Variants in GRAMD2B observed in about 807,000 individuals in gnomAD.
GRAMD2B encodes GRAM domain containing 2B, also known as GRAM domain-containing protein 2B.
Under a neutral mutation model 59.2 loss-of-function variants are expected in GRAMD2B, and 41 were observed. The observed-to-expected ratio is 0.69, with a 90% CI of 0.54 to 0.90. The LOEUF (loss-of-function observed/expected upper bound fraction) is 0.90, where lower values mean the gene tolerates loss of function less well. Ranked by LOEUF, GRAMD2B falls within the 40% of genes least tolerant of loss-of-function variation. The pLI, the probability that GRAMD2B is intolerant of heterozygous loss-of-function variation, is 0.00. For synonymous variants in GRAMD2B, 161 were observed against 182.7 expected (o/e 0.88, Z 0.96); for missense variants, 424 against 500.5 (o/e 0.85, Z 1.46).
rs1223897197 is a variant in GRAMD2B, at chr5:126,479,451, A to AT, written c.583-999dup. On this transcript the variant is annotated intron_variant, in intron 6 of 13. Transcript: ENST00000285689. Reference sequence around the variant, plus strand: ...AAAATATGTTAATATCTATTTGGGGATTTTTTAGAAATACTAATAGCCAAC... The same window carrying AT: ...AAAATATGTTAATATCTATTTGGGGATTTTTTTAGAAATACTAATAGCCAAC... 2.6e-5 allele frequency among the ~76,000 whole-genome samples: 4 copies of AT among 152,302 alleles called. No individual in the cohort carries two copies. The South Asian group carries it at 8.3e-4, about 32-fold the overall frequency.
intron 1 of GRAMD2B, chr5:126,462,343 G>A: frequency 1.2e-6 from 1 of 847,280 alleles, no homozygotes; most frequent in Non-Finnish European, 1.4e-6. Context: ...CCTTGAGGAA[G>A]CATTCCATTT....
chr5:126,439,058 A>T (rs1232766927), intron 1 of GRAMD2B, among the ~76,000 whole-genome samples: 3 of 152,138 alleles, frequency 2.0e-5, no homozygotes, highest in Admixed American at 6.5e-5. Flanking sequence ...ACCACGAGGG[A>T]TTATGTGAAA....
intron 1 of GRAMD2B, among the ~76,000 whole-genome samples, chr5:126,445,248 C>A (rs1370762968): frequency 6.6e-6 from 1 of 152,046 alleles, no homozygotes; most frequent in African/African-American, 2.4e-5. Flanking sequence ...GTATTTTTGC[C>A]TCTGGGTCTT....
chr5:126,408,650 T>C (rs911692024), intron 1 of GRAMD2B, among the ~76,000 whole-genome samples: 4 of 151,664 alleles, frequency 2.6e-5, no homozygotes, highest in Admixed American at 1.3e-4. Context: ...ACTTCTGAAG[T>C]TAGCTCCTAA....
chr5:126,483,584 A>G lies in GRAMD2B; in HGVS notation c.847+10A>G. On this transcript the variant is annotated intron_variant, in intron 9 of 13. Coordinates refer to ENST00000285689, the MANE Select transcript of GRAMD2B (RefSeq NM_023927.4). ...TCTGAGAACTCTCGAGGTTTGGGAAATTGTTGTATTTTGACTAAAATTTAA... is the reference window on the plus strand; with the variant it reads ...TCTGAGAACTCTCGAGGTTTGGGAAGTTGTTGTATTTTGACTAAAATTTAA... 1 of 1,497,468 alleles carries G rather than the reference A, an allele frequency of 6.7e-7. No individual in the cohort carries two copies. The allele number at this position is 1,497,468 out of a possible 1,614,324, so 92.8% of individuals were successfully genotyped here. A position where few individuals can be genotyped will look rare whatever the true frequency, so the allele number is the denominator to read the frequency against.
At chr5:126,464,678 G>A (rs538910141) in intron 1 of GRAMD2B, among the ~76,000 whole-genome samples, 25 of 152,300 alleles carry the variant, frequency 1.6e-4, no homozygotes, top group Admixed American at 5.2e-4. Flanking sequence ...AGACCCCGTG[G>A]TTAAGACAAA....
chr5:126,375,318 G>C (rs1261297116), intron 1 of GRAMD2B, among the ~76,000 whole-genome samples: 2 of 151,246 alleles, frequency 1.3e-5, no homozygotes, highest in Non-Finnish European at 1.5e-5. Context: ...CAATAATATT[G>C]AAATAATAAA....
upstream of GRAMD2B, among the ~76,000 whole-genome samples, chr5:126,422,573 C>T (rs1210385408): frequency 6.6e-6 from 1 of 152,156 alleles, no homozygotes; most frequent in Non-Finnish European, 1.5e-5. Flanking sequence ...CAAGACAGTT[C>T]GTCTTCTTCC....
intron 13 of GRAMD2B, among the ~76,000 whole-genome samples, chr5:126,492,270 C>G (rs1412310079): frequency 6.6e-6 from 1 of 152,136 alleles, no homozygotes; most frequent in African/African-American, 2.4e-5. Context: ...GTGTAAAGAC[C>G]AATTTCCCAT....
chr5:126,483,236 G>A (rs899184672), intron 8 of GRAMD2B, among the ~76,000 whole-genome samples: 7 of 152,086 alleles, frequency 4.6e-5, no homozygotes, highest in African/African-American at 7.2e-5. Flanking sequence ...TTGTTGTTTC[G>A]AACGAGTTGG....
upstream of GRAMD2B, among the ~76,000 whole-genome samples, chr5:126,422,681 T>C (rs4388209): frequency 0.72 from 109,529 of 152,064 alleles, 39,902 homozygotes; most frequent in African/African-American, 0.77. Context: ...AATGAATGAG[T>C]GAATGCTTCC....
intron 1 of GRAMD2B, among the ~76,000 whole-genome samples, chr5:126,456,811 C>T (rs1054848567): frequency 1.3e-5 from 2 of 152,064 alleles, no homozygotes; most frequent in East Asian, 1.9e-4. Flanking sequence ...AATTAGTAAC[C>T]GCTGCCATTT....
At chr5:126,468,511 A>T (rs1768893293) in intron 2 of GRAMD2B, among the ~76,000 whole-genome samples, 1 of 151,914 alleles carries the variant, frequency 6.6e-6, no homozygotes, top group South Asian at 2.1e-4. Context: ...TTTTTGAGAC[A>T]GAATATTGCT....
At chr5:126,366,510 T>G (rs138785900), upstream of GRAMD2B, among the ~76,000 whole-genome samples, 2 of 152,360 alleles carry the variant, frequency 1.3e-5, no homozygotes, top group Non-Finnish European at 2.9e-5. Flanking sequence ...TTCTGAATGC[T>G]TACTATGTAC....
Position 126,477,723 on chromosome 5 carries a change from T to G in GRAMD2B, c.518T>G (p.Ile173Arg). Residue 173 changes from isoleucine to arginine, a missense_variant, in exon 6 of 14, where the codon ATA becomes AGA. Coordinates refer to ENST00000285689, the MANE Select transcript of GRAMD2B (RefSeq NM_023927.4). ...ATTCCAGCTTTCTCGGTAACCCTAA[T>G]AAAGAAAACCAAAACTGCTCTTCTA... is the stretch of plus-strand genomic sequence containing the variant. The part of the protein sequence containing the change: ...ISIPAFSVTL[I>R]KKTKTALLVP... 1 of 1,611,456 alleles carries G rather than the reference T, an allele frequency of 6.2e-7. No individual in the cohort carries two copies. Among genetic ancestry groups the G allele is most frequent in the Non-Finnish European group, 8.5e-7 (1 of 1,177,596 alleles).
chr5:126,464,789 A>T (rs1767994528), intron 1 of GRAMD2B, among the ~76,000 whole-genome samples: 1 of 152,218 alleles, frequency 6.6e-6, no homozygotes, highest in Non-Finnish European at 1.5e-5. Flanking sequence ...ATGGAGAGAG[A>T]GAACACAAAG....
chr5:126,362,316 T>C (rs1438025819), intron 1 of GRAMD2B, among the ~76,000 whole-genome samples: 1 of 152,224 alleles, frequency 6.6e-6, no homozygotes, highest in Non-Finnish European at 1.5e-5. Context: ...TGAAGAAATA[T>C]GTATAATCAA....
intron 1 of GRAMD2B, among the ~76,000 whole-genome samples, chr5:126,409,288 G>A (rs563418853): frequency 1.1e-3 from 166 of 152,256 alleles, no homozygotes; most frequent in African/African-American, 3.9e-3. Flanking sequence ...GTTTAAACTA[G>A]TTTACAGTCC....
At chr5:126,472,111 G>A in intron 3 of GRAMD2B, 127 bp from the exon 4 acceptor site, 1 of 694,304 alleles carries the variant, frequency 1.4e-6, no homozygotes, top group South Asian at 1.7e-5. Flanking sequence ...GTCAGAGACT[G>A]TAAGATCAGT....
Sources: allele counts gnomAD v4.1 joint callset (sites outside exome capture counted in the v4.1 genomes callset), GRCh38; gene constraint gnomAD v4.1.1; transcripts MANE v1.5; gene names NCBI Gene and HGNC (gene_info 2026-07-23, HGNC 2026-07-21).